The following NFATC2 variants were observed in gnomAD, a reference collection of about 807,000 sequenced individuals.
The protein encoded by NFATC2 is nuclear factor of activated T-cells, cytoplasmic 2.
NFATC2 carries 22 observed loss-of-function variants against 87.3 expected under a neutral mutation model. The observed-to-expected ratio is 0.25, with a 90% CI of 0.18 to 0.36. The LOEUF is 0.36. NFATC2 is among the 10% of genes least tolerant of loss of function. NFATC2 has a pLI of 1.00. For missense variants in NFATC2, 1,149 were observed against 1,259.1 expected (o/e 0.91, Z 1.32); for synonymous variants, 565 against 542.2 (o/e 1.04, Z -0.58).
chr20:51,474,963 C>CTTTTTTTTTTTTTT (rs1387504137), intron 4 of NFATC2, among the ~76,000 whole-genome samples: 1 of 147,162 alleles, frequency 6.8e-6, no homozygotes, highest in Non-Finnish European at 1.5e-5. Flanking sequence ...ACATATTATA[C>CTTTTTTTTTTTTTT]TTTATTTATT....
intron 6 of NFATC2, among the ~76,000 whole-genome samples, chr20:51,450,618 T>C (rs1985647715): frequency 6.6e-6 from 1 of 152,216 alleles, no homozygotes; most frequent in Non-Finnish European, 1.5e-5. Flanking sequence ...ACAGGGAAGC[T>C]GAGGCCCAAA....
rs139650154 is a variant in NFATC2, at chr20:51,525,152, G to A, written c.131-1042C>T. Among the ~76,000 whole-genome samples the A allele has an allele frequency of 1.8e-4, 28 of 152,284 alleles. No homozygotes were observed. The East Asian group carries it at 3.7e-3, about 20-fold the overall frequency. On this transcript the variant is annotated intron_variant, in intron 1 of 10. Coordinates refer to ENST00000371564, the MANE Select transcript of NFATC2 (RefSeq NM_012340.5). ...CAAGAATCGCTTAAAACCAGGAGGC[G>A]GAGGTTTCAATGAGCCAAGACTGTG...
intron 9 of NFATC2, among the ~76,000 whole-genome samples, chr20:51,408,985 A>C (rs1978793446): frequency 6.6e-6 from 1 of 152,260 alleles, no homozygotes; most frequent in Admixed American, 6.5e-5. Flanking sequence ...CACACCTTTC[A>C]GAAAAGAAAT....
intron 5 of NFATC2, among the ~76,000 whole-genome samples, chr20:51,462,944 G>C (rs966015617): frequency 1.3e-5 from 2 of 152,214 alleles, no homozygotes; most frequent in Non-Finnish European, 2.9e-5. Flanking sequence ...GGAGGACTTC[G>C]TGGGAAAGAC....
At chr20:51,514,926 G>A (rs565692664) in intron 3 of NFATC2, among the ~76,000 whole-genome samples, 1 of 152,292 alleles carries the variant, frequency 6.6e-6, no homozygotes, top group East Asian at 1.9e-4. Flanking sequence ...TTGGACGGCA[G>A]GAATCAGAAG....
chr20:51,541,748 G>A (rs1161573077), intron 1 of NFATC2, among the ~76,000 whole-genome samples: 1 of 152,140 alleles, frequency 6.6e-6, no homozygotes, highest in East Asian at 1.9e-4. Flanking sequence ...GGGAGGAAAT[G>A]GGCCGGCCTT....
chr20:51,431,815 C>A (rs1453315054), intron 9 of NFATC2, among the ~76,000 whole-genome samples: 1 of 152,062 alleles, frequency 6.6e-6, no homozygotes, highest in Non-Finnish European at 1.5e-5. Flanking sequence ...TTTGCTTTTT[C>A]TATGGGGGCG....
At chr20:51,405,422 G>A (rs887800164) in intron 9 of NFATC2, among the ~76,000 whole-genome samples, 3 of 83,826 alleles carry the variant, frequency 3.6e-5, no homozygotes, top group Non-Finnish European at 5.4e-5. Context: ...CAGGCGCCAT[G>A]ACCTCACACG....
chr20:51,410,115 C>A (rs1029358018), intron 9 of NFATC2, among the ~76,000 whole-genome samples: 2 of 146,088 alleles, frequency 1.4e-5, no homozygotes, highest in Admixed American at 1.4e-4. Flanking sequence ...CAGGCTGAGG[C>A]AGGAGAATGG....
chr20:51,446,339 C>A (rs183885889), intron 6 of NFATC2, among the ~76,000 whole-genome samples: 7 of 152,322 alleles, frequency 4.6e-5, no homozygotes, highest in African/African-American at 1.7e-4. Flanking sequence ...TTCTGAGCAC[C>A]TACTATGTGC....
chr20:51,413,640 C>T (rs537612767), intron 9 of NFATC2, among the ~76,000 whole-genome samples: 1 of 152,246 alleles, frequency 6.6e-6, no homozygotes, highest in East Asian at 1.9e-4. Context: ...CGCCTATAGT[C>T]CAGCTACCCA....
intron 3 of NFATC2, among the ~76,000 whole-genome samples, chr20:51,476,781 C>A (rs75727255): frequency 0.16 from 23,752 of 152,156 alleles, 2,214 homozygotes; most frequent in Middle Eastern, 0.21. Flanking sequence ...ACAGGAAATT[C>A]AGAGAAAACA....
chr20:51,439,974 C>T (rs192542712), intron 6 of NFATC2, among the ~76,000 whole-genome samples: 18 of 152,302 alleles, frequency 1.2e-4, no homozygotes, highest in East Asian at 5.8e-4. Context: ...AAGTGGCTCA[C>T]GCCTGTGATC....
At chr20:51,399,750 C>T (rs1462074061) in intron 9 of NFATC2, among the ~76,000 whole-genome samples, 1 of 152,176 alleles carries the variant, frequency 6.6e-6, no homozygotes, top group Non-Finnish European at 1.5e-5. Context: ...GTGGATGTGG[C>T]CCTAAGGCAG....
rs142024852 is a variant in NFATC2 at position 51,511,815 on chromosome 20, G to A, written c.1332+4969C>T. ...CTAGTCCCCAGGGAGAAACCTGAGT[G>A]ATCTATAAAATGTTAAATCAGAATC... On this transcript the variant is annotated intron_variant, in intron 3 of 10. Coordinates refer to ENST00000371564, the MANE Select transcript of NFATC2 (RefSeq NM_012340.5). Among the ~76,000 whole-genome samples the A allele has an allele frequency of 3.4e-3, 518 of 152,328 alleles. 2 individuals are homozygous for A. Among genetic ancestry groups the A allele is most frequent in the Admixed American group, 5.5e-3 (84 of 15,302 alleles).
chr20:51,435,772 T>C lies in NFATC2; in HGVS notation c.1850-11A>G, dbSNP rs1278726297. On this transcript the variant is annotated splice_polypyrimidine_tract_variant and intron_variant, in intron 6 of 10. Coordinates refer to ENST00000371564, the MANE Select transcript of NFATC2 (RefSeq NM_012340.5). ...AAATTTGCTGTCCATCTAGAAAAATTCAAAAATGACAGACTTTGAAGGAAC... is the reference window on the plus strand; with the variant it reads ...AAATTTGCTGTCCATCTAGAAAAATCCAAAAATGACAGACTTTGAAGGAAC... The C allele has an allele frequency of 1.9e-6, 3 of 1,593,466 alleles. No individual in the cohort carries two copies. Among genetic ancestry groups the C allele is most frequent in the African/African-American group, 1.3e-5 (1 of 74,820 alleles).
At chr20:51,494,524 G>T (rs968456470) in intron 3 of NFATC2, among the ~76,000 whole-genome samples, 1 of 152,104 alleles carries the variant, frequency 6.6e-6, no homozygotes, top group Non-Finnish European at 1.5e-5. Context: ...CTACGTGCAG[G>T]TCTTTGTGCA....
chr20:51,509,516 C>A (rs540969644), intron 3 of NFATC2, among the ~76,000 whole-genome samples: 1 of 152,190 alleles, frequency 6.6e-6, no homozygotes, highest in African/African-American at 2.4e-5. Context: ...TTTCCCTTCC[C>A]CTCCCCAGGA....
intron 3 of NFATC2, among the ~76,000 whole-genome samples, chr20:51,478,357 T>G (rs1290350417): frequency 6.6e-6 from 1 of 152,100 alleles, no homozygotes; most frequent in East Asian, 1.9e-4. Flanking sequence ...TTATCAAGAG[T>G]TGGTATCAAG....
Sources: allele counts gnomAD v4.1 joint callset (sites outside exome capture counted in the v4.1 genomes callset), GRCh38; gene constraint gnomAD v4.1.1; transcripts MANE v1.5; gene names NCBI Gene and HGNC (gene_info 2026-07-23, HGNC 2026-07-21).